GRIA4: variants seen among roughly 807,000 people sequenced by gnomAD.
The protein encoded by GRIA4 is glutamate receptor 4.
In GRIA4, 34 loss-of-function variants were observed where a neutral mutation model predicts 104.0. The ratio of observed to expected loss-of-function variants is 0.33; its 90% confidence interval spans 0.25 to 0.44. The LOEUF is 0.44. Among genes scored for constraint, GRIA4 ranks in the 20% least tolerant of loss-of-function variants. The pLI is 1.00. For synonymous variants in GRIA4, 386 were observed against 381.9 expected, an observed-to-expected ratio of 1.01 and a Z score of -0.13; for missense variants, 750 against 1,096.5, an observed-to-expected ratio of 0.68 and a Z score of 4.46.
intron 4 of GRIA4, among the ~76,000 whole-genome samples, chr11:105,794,473 G>GTA (rs71041629): frequency 0.033 from 1,438 of 43,810 alleles, 45 homozygotes; most frequent in Admixed American, 0.043. Context: ...GTATATGTAT[G>GTA]TATATATATA....
chr11:105,908,961 G>C (rs1032113171), intron 9 of GRIA4, among the ~76,000 whole-genome samples: 7 of 152,032 alleles, frequency 4.6e-5, no homozygotes, highest in African/African-American at 1.7e-4. Context: ...GTACACATAA[G>C]AATTGAGGAG....
At chr11:105,819,947 A>G (rs887156301) in intron 4 of GRIA4, among the ~76,000 whole-genome samples, 6 of 152,064 alleles carry the variant, frequency 3.9e-5, no homozygotes, top group Non-Finnish European at 7.4e-5. Context: ...GAAGATGGTT[A>G]TGTGAAGATG....
intron 3 of GRIA4, among the ~76,000 whole-genome samples, chr11:105,679,164 C>T (rs1366918906): frequency 3.3e-5 from 5 of 152,124 alleles, no homozygotes; most frequent in Non-Finnish European, 7.4e-5. Flanking sequence ...CAAAGGTAGT[C>T]TTCTAACAGA....
chr11:105,659,210 A>G (rs540041449), intron 3 of GRIA4, among the ~76,000 whole-genome samples: 3 of 151,946 alleles, frequency 2.0e-5, no homozygotes, highest in South Asian at 2.1e-4. Flanking sequence ...TTCCAGGTAA[A>G]CTTGTTCTTA....
intron 4 of GRIA4, among the ~76,000 whole-genome samples, chr11:105,841,819 G>T (rs191228325): frequency 6.6e-6 from 1 of 152,058 alleles, no homozygotes; most frequent in African/African-American, 2.4e-5. Context: ...ATTTAAACAG[G>T]TTGTCTTATT....
chr11:105,803,600 G>A (rs566481109), intron 4 of GRIA4, among the ~76,000 whole-genome samples: 1 of 151,942 alleles, frequency 6.6e-6, no homozygotes, highest in South Asian at 2.1e-4. Flanking sequence ...GCTCTTCTGA[G>A]AAATATTTTA....
chr11:105,747,175 A>T (rs543784127), intron 3 of GRIA4, among the ~76,000 whole-genome samples: 26 of 152,302 alleles, frequency 1.7e-4, no homozygotes, highest in Non-Finnish European at 3.5e-4. Context: ...ACACAGGTAC[A>T]TCACTTACAA....
intron 3 of GRIA4, among the ~76,000 whole-genome samples, chr11:105,719,975 G>A (rs983245948): frequency 2.0e-5 from 3 of 151,892 alleles, no homozygotes; most frequent in East Asian, 3.9e-4. Context: ...AGATCCCTCA[G>A]CAGTAGTACT....
intron 4 of GRIA4, among the ~76,000 whole-genome samples, chr11:105,766,511 A>G (rs1940950819): frequency 6.6e-6 from 1 of 152,176 alleles, no homozygotes; most frequent in Non-Finnish European, 1.5e-5. Context: ...ATTGCAATGT[A>G]GTAACATTAC....
chr11:105,692,212 C>T (rs1275613565), intron 3 of GRIA4, among the ~76,000 whole-genome samples: 2 of 151,544 alleles, frequency 1.3e-5, no homozygotes, highest in Non-Finnish European at 2.9e-5. Flanking sequence ...TGGGTCAGAT[C>T]TGCATTAGGC....
At chr11:105,656,041 G>T (rs1451657314) in intron 3 of GRIA4, among the ~76,000 whole-genome samples, 4 of 152,068 alleles carry the variant, frequency 2.6e-5, no homozygotes, top group Admixed American at 2.6e-4. Context: ...GGCGTGAGAT[G>T]GTATTTCATT....
intron 14 of GRIA4, among the ~76,000 whole-genome samples, chr11:105,960,419 G>T (rs1948709358): frequency 6.6e-6 from 1 of 152,178 alleles, no homozygotes; most frequent in African/African-American, 2.4e-5. Context: ...GGTGTGTTGA[G>T]CTGTGGGGAC....
chr11:105,918,633 T>G, intron 10 of GRIA4, 79 bp from the exon 11 acceptor site: 1 of 714,478 alleles, frequency 1.4e-6, no homozygotes, highest in East Asian at 2.7e-5. Flanking sequence ...TTTTGTCAAA[T>G]TCTGAAATTG....
intron 4 of GRIA4, among the ~76,000 whole-genome samples, chr11:105,831,987 A>G (rs1329004677): frequency 6.6e-6 from 1 of 151,998 alleles, no homozygotes; most frequent in African/African-American, 2.4e-5. Flanking sequence ...TCCACCTTGG[A>G]CATGCTGGAT....
At chr11:105,877,481 T>C (rs986240963) in intron 5 of GRIA4, among the ~76,000 whole-genome samples, 3 of 152,230 alleles carry the variant, frequency 2.0e-5, no homozygotes, top group Admixed American at 1.3e-4. Context: ...GTAGTTCTCC[T>C]GGATAATATC....
At chr11:105,774,703 G>T (rs1206617938) in intron 4 of GRIA4, among the ~76,000 whole-genome samples, 1 of 151,988 alleles carries the variant, frequency 6.6e-6, no homozygotes, top group Non-Finnish European at 1.5e-5. Flanking sequence ...AGAGAATAAA[G>T]AAATGAATTA....
At chr11:105,688,134 A>ATATC (rs1383769917) in intron 3 of GRIA4, among the ~76,000 whole-genome samples, 1 of 78,240 alleles carries the variant, frequency 1.3e-5, no homozygotes, top group Non-Finnish European at 2.9e-5. Context: ...ATCTATATCT[A>ATATC]TATCTATATC....
intron 7 of GRIA4, among the ~76,000 whole-genome samples, chr11:105,901,372 C>A (rs1015069602): frequency 6.6e-6 from 1 of 152,054 alleles, no homozygotes; most frequent in Non-Finnish European, 1.5e-5. Flanking sequence ...ATGATTCTGC[C>A]CAATTCTGTC....
At chr11:105,854,060 G>T (rs1434684241) in intron 4 of GRIA4, among the ~76,000 whole-genome samples, 1 of 151,946 alleles carries the variant, frequency 6.6e-6, no homozygotes, top group Non-Finnish European at 1.5e-5. Flanking sequence ...ACTATTTATC[G>T]AGTCCCTTTT....
Sources: allele counts gnomAD v4.1 joint callset (sites outside exome capture counted in the v4.1 genomes callset), GRCh38; gene constraint gnomAD v4.1.1; transcripts MANE v1.5; gene names NCBI Gene and HGNC (gene_info 2026-07-23, HGNC 2026-07-21).